MAP4K4: variants seen among roughly 807,000 people sequenced by gnomAD.
The protein encoded by MAP4K4 is mitogen-activated protein kinase kinase kinase kinase 4, also known as HPK/GCK-like kinase HGK.
MAP4K4 carries 38 observed loss-of-function variants against 189.6 expected under a neutral mutation model. That is an observed-to-expected ratio of 0.20 (90% confidence interval 0.15 to 0.26). The LOEUF (loss-of-function observed/expected upper bound fraction) is 0.26. MAP4K4 is among the 10% of genes least tolerant of loss of function. The pLI is 1.00. For synonymous variants in MAP4K4, 610 were observed against 624.3 expected (o/e 0.98, Z 0.34); for missense variants, 1,054 against 1,726.9 (o/e 0.61, Z 6.91).
At chr2:101,796,304 T>A (rs1282664937) in intron 3 of MAP4K4, among the ~76,000 whole-genome samples, 2 of 152,186 alleles carry the variant, frequency 1.3e-5, no homozygotes, top group Admixed American at 6.5e-5. Context: ...CATCCCAGAT[T>A]ACTGCATCAG....
At chr2:101,889,257 C>T (rs898727443) in intron 32 of MAP4K4, among the ~76,000 whole-genome samples, 1 of 152,104 alleles carries the variant, frequency 6.6e-6, no homozygotes, top group African/African-American at 2.4e-5. Flanking sequence ...GGCTGGAATT[C>T]TTTTGTGAGT....
chr2:101,778,629 T>TCAG (rs2085616223), intron 2 of MAP4K4, among the ~76,000 whole-genome samples: 1 of 152,014 alleles, frequency 6.6e-6, no homozygotes, highest in African/African-American at 2.4e-5. Flanking sequence ...GAGAGGATCT[T>TCAG]CAGAAAACAG....
chr2:101,709,119 G>T (rs1459188142), intron 2 of MAP4K4, among the ~76,000 whole-genome samples: 3 of 152,144 alleles, frequency 2.0e-5, no homozygotes, highest in Admixed American at 2.0e-4. Context: ...CTGAGTGACT[G>T]TCTGGATGAG....
rs369285706 is a variant in MAP4K4, at chr2:101,698,143, T to C, written c.57+6T>C. ...TCGACCTCTCCTCCCTGCGGGTGAGTGGGCCCGCGAGCGGGCGCGCGGGGA... is the reference window on the plus strand; with the variant it reads ...TCGACCTCTCCTCCCTGCGGGTGAGCGGGCCCGCGAGCGGGCGCGCGGGGA... On this transcript the variant is annotated splice_donor_region_variant and intron_variant, in intron 1 of 32. Coordinates refer to ENST00000324219, the Ensembl canonical transcript of MAP4K4. The C allele has an allele frequency of 2.5e-6, 3 of 1,217,972 alleles. No individual in the cohort carries two copies. The highest frequency in any genetic ancestry group is 4.9e-5 in the Admixed American group (2 of 41,114). 75.4% of individuals were successfully genotyped at this position (1,217,972 alleles called of 1,614,324 possible).
At chr2:101,770,240 A>ATTTTTTTTT (rs34574782) in intron 2 of MAP4K4, among the ~76,000 whole-genome samples, 1 of 75,156 alleles carries the variant, frequency 1.3e-5, no homozygotes, top group Non-Finnish European at 2.4e-5. Context: ...GTTCATTCTG[A>ATTTTTTTTT]TTTTTTTTTT....
In MAP4K4 at chr2:101,856,054, T is replaced by A; in HGVS notation, c.1311T>A (p.Arg437=). The A allele has an allele frequency of 3.2e-6, 5 of 1,551,340 alleles. No individual in the cohort carries two copies. In the South Asian group the frequency reaches 6.0e-5, roughly 18 times the overall value. ...GGAGAGAACAAGAAGAAAAGAGGCG[T>A]CTAGAGGAGTTGGAGAGAAGGCGCA... The change falls in exon 13 of 33, where the codon CGT becomes CGA. Residue 437 remains arginine (R), a synonymous_variant. Coordinates refer to ENST00000324219, the Ensembl canonical transcript of MAP4K4.
intron 27 of MAP4K4, among the ~76,000 whole-genome samples, chr2:101,879,195 CAAA>C (rs61482872): frequency 0.017 from 1,174 of 67,480 alleles, 18 homozygotes; most frequent in African/African-American, 0.07. Flanking sequence ...AGCCTGTCTC[CAAA>C]AAAAAAAAAA....
intron 2 of MAP4K4, among the ~76,000 whole-genome samples, chr2:101,751,471 T>A (rs1243593012): frequency 6.6e-6 from 1 of 152,170 alleles, no homozygotes; most frequent in Non-Finnish European, 1.5e-5. Flanking sequence ...ATCTGTAAAA[T>A]GGGACTCAGA....
rs2149846375 is a variant in MAP4K4 at position 101,860,805 on chromosome 2, C to A, written c.1705-20C>A. 2 of 1,591,520 alleles carry A rather than the reference C, an allele frequency of 1.3e-6. No homozygotes were observed. The highest frequency in any genetic ancestry group is 1.7e-6 in the Non-Finnish European group (2 of 1,168,092). On this transcript the variant is annotated intron_variant, in intron 15 of 32. Transcript: ENST00000324219. Reference sequence around the variant, plus strand: ...TTCCCCTACTAACACTGAGTTATGTCTTCTAATTCTCTGATGCAGGTGGAA... The same window carrying A: ...TTCCCCTACTAACACTGAGTTATGTATTCTAATTCTCTGATGCAGGTGGAA...
In MAP4K4 at chr2:101,748,449, G is replaced by A. The variant is rs891601519; in HGVS notation, c.124-42271G>A. Among the ~76,000 whole-genome samples, 6 of 152,290 alleles carry A rather than the reference G, an allele frequency of 3.9e-5. No homozygotes were observed. In the East Asian group the frequency reaches 5.8e-4, roughly 15 times the overall value. ...CAAATTTATTGAAGAACTTTCATGC[G>A]TCCATGTAATTTCTATTTCCCATTT... is the stretch of plus-strand genomic sequence containing the variant. On this transcript the variant is annotated intron_variant, in intron 2 of 32. Coordinates refer to ENST00000324219, the Ensembl canonical transcript of MAP4K4.
At chr2:101,803,799 C>T (rs1164241405) in intron 3 of MAP4K4, among the ~76,000 whole-genome samples, 1 of 152,200 alleles carries the variant, frequency 6.6e-6, no homozygotes, top group Non-Finnish European at 1.5e-5. Flanking sequence ...CGGACCCCCC[C>T]TTCACTACCA....
At chr2:101,800,708 T>C (rs1294578251) in intron 3 of MAP4K4, among the ~76,000 whole-genome samples, 6 of 152,346 alleles carry the variant, frequency 3.9e-5, no homozygotes, top group Non-Finnish European at 8.8e-5. Context: ...TTGTTTTTAA[T>C]GCTGTTCATG....
intron 2 of MAP4K4, among the ~76,000 whole-genome samples, chr2:101,704,541 GTATA>G (rs1332013927): frequency 0.014 from 1,134 of 80,170 alleles, 26 homozygotes; most frequent in East Asian, 0.044. Context: ...GTGTGTGTGT[GTATA>G]TATATATATA....
At chr2:101,771,692 A>G (rs1221222491) in intron 2 of MAP4K4, among the ~76,000 whole-genome samples, 5 of 152,156 alleles carry the variant, frequency 3.3e-5, no homozygotes, top group Admixed American at 1.3e-4. Flanking sequence ...TAGTTGTACA[A>G]TGACTCCAGC....
At chr2:101,790,658 T>G (rs1324274418) in intron 2 of MAP4K4, 62 bp from the exon 3 acceptor site, 3 of 1,182,108 alleles carry the variant, frequency 2.5e-6, no homozygotes, top group Non-Finnish European at 3.7e-6. Flanking sequence ...TCAGCCATTT[T>G]GTTCTAATGA....
chr2:101,714,972 G>C (rs184430895), intron 2 of MAP4K4, among the ~76,000 whole-genome samples: 20 of 152,284 alleles, frequency 1.3e-4, no homozygotes, highest in Admixed American at 7.2e-4. Context: ...GTAAAAATAA[G>C]AGGCTTCAAG....
At chr2:101,790,605 TAGTC>T in intron 2 of MAP4K4, 111 bp from the exon 3 acceptor site, 4 of 726,376 alleles carry the variant, frequency 5.5e-6, no homozygotes, top group Admixed American at 4.1e-5. Context: ...CACTTTTGGT[TAGTC>T]AGAGATAAGT....
intron 27 of MAP4K4, among the ~76,000 whole-genome samples, chr2:101,882,101 C>G (rs900407212): frequency 6.6e-6 from 1 of 152,164 alleles, no homozygotes; most frequent in African/African-American, 2.4e-5. Context: ...AAAAACAGTT[C>G]TAACAGTTTA....
chr2:101,882,777 G>A, intron 28 of MAP4K4, 92 bp downstream of exon 28: 2 of 1,272,922 alleles, frequency 1.6e-6, no homozygotes, highest in Non-Finnish European at 1.1e-6. Context: ...TTTGAAGTTT[G>A]TAATAATAAA....
Sources: gnomAD v4.1 joint callset for allele counts (sites outside exome capture counted in the v4.1 genomes callset) on GRCh38, gnomAD v4.1.1 for gene constraint, MANE v1.5 for transcripts, NCBI Gene and HGNC (gene_info 2026-07-23, HGNC 2026-07-21) for gene names.